The following ADGRL2 variants were observed in gnomAD, a reference collection of about 807,000 sequenced individuals.
ADGRL2 encodes the protein calcium-independent alpha-latrotoxin receptor 2.
ADGRL2 carries 44 observed loss-of-function variants against 157.4 expected under a neutral mutation model. That is an observed-to-expected ratio of 0.28 (90% CI 0.22 to 0.36). The LOEUF is 0.36. Among genes scored for constraint, ADGRL2 ranks in the 10% least tolerant of loss-of-function variants. The pLI, the probability that ADGRL2 is intolerant of heterozygous loss-of-function variation, is 1.00. For missense variants in ADGRL2, 1,510 were observed against 1,768.9 expected (o/e 0.85, Z 2.63); for synonymous variants, 585 against 624.7 (o/e 0.94, Z 0.95).
intron 1 of ADGRL2, among the ~76,000 whole-genome samples, chr1:81,338,205 A>G (rs1661792387): frequency 6.6e-6 from 1 of 152,094 alleles, no homozygotes; most frequent in Non-Finnish European, 1.5e-5. Context: ...TTTACTAAAA[A>G]TACAAAAATT....
intron 2 of ADGRL2, among the ~76,000 whole-genome samples, chr1:81,847,825 C>T (rs1369825526): frequency 6.6e-6 from 1 of 151,846 alleles, no homozygotes; most frequent in Non-Finnish European, 1.5e-5. Context: ...TCATGTAATG[C>T]AAAGTGTATG....
chr1:81,536,659 G>A (rs1417561735), intron 2 of ADGRL2, among the ~76,000 whole-genome samples: 1 of 152,056 alleles, frequency 6.6e-6, no homozygotes, highest in Non-Finnish European at 1.5e-5. Context: ...TTTTCCTTTG[G>A]TGGTTATTTT....
chr1:81,364,680 C>A (rs1039689553), intron 1 of ADGRL2, among the ~76,000 whole-genome samples: 3 of 150,844 alleles, frequency 2.0e-5, no homozygotes, highest in Non-Finnish European at 4.4e-5. Context: ...GAGTCAGGAA[C>A]AATAGGATAT....
chr1:81,427,141 C>T (rs12121921), intron 1 of ADGRL2: 870,738 of 1,253,226 alleles, frequency 0.69, 309,939 homozygotes, highest in Non-Finnish European at 0.74. Flanking sequence ...GAGGTGGATC[C>T]GGCAATTTTA....
chr1:81,904,303 A>G (rs987523677), intron 2 of ADGRL2, among the ~76,000 whole-genome samples: 3 of 152,224 alleles, frequency 2.0e-5, no homozygotes, highest in Admixed American at 6.5e-5. Flanking sequence ...AGTTTAATCA[A>G]AACAGGTAAG....
intron 2 of ADGRL2, among the ~76,000 whole-genome samples, chr1:81,504,098 T>A (rs1181319814): frequency 6.6e-6 from 1 of 152,192 alleles, no homozygotes; most frequent in Admixed American, 6.5e-5. Context: ...GTGAGGGCAG[T>A]TCAGGGCCAG....
chr1:81,688,859 T>C (rs949756537), intron 3 of ADGRL2, among the ~76,000 whole-genome samples: 1 of 152,150 alleles, frequency 6.6e-6, no homozygotes, highest in Non-Finnish European at 1.5e-5. Flanking sequence ...TCCCATGGGG[T>C]GTTCCCTTGA....
intron 1 of ADGRL2, among the ~76,000 whole-genome samples, chr1:81,808,948 G>A (rs1033874944): frequency 1.3e-5 from 2 of 152,022 alleles, no homozygotes; most frequent in Non-Finnish European, 2.9e-5. Flanking sequence ...TAGTTGAAAG[G>A]GGAGGACAAA....
intron 2 of ADGRL2, among the ~76,000 whole-genome samples, chr1:81,844,635 C>T (rs931066585): frequency 1.3e-5 from 2 of 152,296 alleles, no homozygotes; most frequent in African/African-American, 4.8e-5. Flanking sequence ...ACATATTAGA[C>T]ATCAATTTGG....
At chr1:81,905,304 C>G (rs2094563785) in intron 2 of ADGRL2, among the ~76,000 whole-genome samples, 1 of 152,060 alleles carries the variant, frequency 6.6e-6, no homozygotes, top group Admixed American at 6.6e-5. Flanking sequence ...ACCATGTTAG[C>G]CAGGCTGGTC....
At chr1:81,483,537 T>C (rs543702688) in intron 2 of ADGRL2, among the ~76,000 whole-genome samples, 1 of 152,282 alleles carries the variant, frequency 6.6e-6, no homozygotes, top group African/African-American at 2.4e-5. Flanking sequence ...ATAATAACAC[T>C]ACATAAAACC....
At chr1:81,751,465 C>T (rs1273646476) in intron 1 of ADGRL2, among the ~76,000 whole-genome samples, 1 of 152,048 alleles carries the variant, frequency 6.6e-6, no homozygotes, top group Non-Finnish European at 1.5e-5. Flanking sequence ...AAAAGAGAAA[C>T]CTAAACAAGG....
chr1:81,751,603 T>A (rs542354392), intron 1 of ADGRL2, among the ~76,000 whole-genome samples: 1 of 152,306 alleles, frequency 6.6e-6, no homozygotes, highest in South Asian at 2.1e-4. Context: ...TAATGCTTGA[T>A]TGTGGACTGG....
At chr1:81,798,163 A>G (rs531208139), upstream of ADGRL2, among the ~76,000 whole-genome samples, 12 of 152,266 alleles carry the variant, frequency 7.9e-5, no homozygotes, top group East Asian at 1.7e-3. Context: ...TTTTTCTACC[A>G]TAACACCTGT....
intron 1 of ADGRL2, among the ~76,000 whole-genome samples, chr1:81,719,196 T>C (rs1463201888): frequency 6.6e-6 from 1 of 152,186 alleles, no homozygotes; most frequent in Non-Finnish European, 1.5e-5. Context: ...TCAACATAAA[T>C]TAGAGTTCTC....
chr1:81,599,018 G>T (rs186006547), intron 3 of ADGRL2, among the ~76,000 whole-genome samples: 54 of 152,280 alleles, frequency 3.5e-4, no homozygotes, highest in Non-Finnish European at 5.9e-4. Context: ...GTAGCATAAG[G>T]TTCAATGATT....
intron 17 of ADGRL2, among the ~76,000 whole-genome samples, chr1:81,976,710 A>G (rs938669739): frequency 6.6e-6 from 1 of 151,928 alleles, no homozygotes; most frequent in Admixed American, 6.6e-5. Flanking sequence ...AATACAACTA[A>G]CTGTTGTTAA....
intron 3 of ADGRL2, among the ~76,000 whole-genome samples, chr1:81,648,788 A>C (rs2082359118): frequency 6.6e-6 from 1 of 152,198 alleles, no homozygotes; most frequent in Non-Finnish European, 1.5e-5. Context: ...CTAGCCTGAA[A>C]TAATTGAGAA....
chr1:81,902,443 C>G (rs2094504253), intron 2 of ADGRL2, among the ~76,000 whole-genome samples: 1 of 152,030 alleles, frequency 6.6e-6, no homozygotes, highest in South Asian at 2.1e-4. Context: ...ACTAAAAATA[C>G]AAAAATTAGC....
Sources: allele counts gnomAD v4.1 joint callset (sites outside exome capture counted in the v4.1 genomes callset), GRCh38; gene constraint gnomAD v4.1.1; transcripts MANE v1.5; gene names NCBI Gene and HGNC (gene_info 2026-07-23, HGNC 2026-07-21).